Variants in NECTIN3 observed in about 807,000 individuals in gnomAD.
The protein encoded by NECTIN3 is nectin cell adhesion molecule 3, also known as nectin-3.
NECTIN3 carries 8 observed loss-of-function variants against 49.4 expected under a neutral mutation model. The observed-to-expected ratio is 0.16, with a 90% confidence interval of 0.10 to 0.29. The LOEUF is 0.29. Ranked by LOEUF, NECTIN3 falls within the 10% of genes least tolerant of loss-of-function variation. The probability of loss-of-function intolerance (pLI) is 1.00; values close to 1 mark genes in which losing one functional copy is unlikely to be tolerated. For missense variants in NECTIN3, 581 were observed against 654.6 expected (o/e 0.89, Z 1.23); for synonymous variants, 277 against 241.1 (o/e 1.15, Z -1.38).
intron 7 of NECTIN3, among the ~76,000 whole-genome samples, chr3:111,179,752 A>C (rs1400818293): frequency 6.6e-6 from 1 of 151,824 alleles, no homozygotes; most frequent in Non-Finnish European, 1.5e-5. Context: ...AAATTAGCTG[A>C]GTGTGGCGGC....
At chr3:111,104,567 G>C (rs577934576) in intron 1 of NECTIN3, among the ~76,000 whole-genome samples, 1 of 152,082 alleles carries the variant, frequency 6.6e-6, no homozygotes, top group South Asian at 2.1e-4. Context: ...CGGTCCTCCT[G>C]CTATAGCTTC....
At chr3:111,180,520 C>G (rs1278675632) in intron 7 of NECTIN3, among the ~76,000 whole-genome samples, 1 of 152,046 alleles carries the variant, frequency 6.6e-6, no homozygotes, top group Non-Finnish European at 1.5e-5. Flanking sequence ...CGACCTCTCT[C>G]ATAACTATTT....
At chr3:111,173,720 G>T (rs111737452) in intron 7 of NECTIN3, among the ~76,000 whole-genome samples, 10 of 152,006 alleles carry the variant, frequency 6.6e-5, no homozygotes, top group Non-Finnish European at 1.2e-4. Flanking sequence ...TATCCACACG[G>T]CTATCCTTTC....
chr3:111,091,403 C>T (rs2032260785), intron 1 of NECTIN3, among the ~76,000 whole-genome samples: 1 of 152,080 alleles, frequency 6.6e-6, no homozygotes, highest in African/African-American at 2.4e-5. Context: ...TACAGGCGCC[C>T]ACTATGCCCG....
intron 1 of NECTIN3, among the ~76,000 whole-genome samples, chr3:111,089,226 T>C (rs1395998970): frequency 6.6e-6 from 1 of 152,104 alleles, no homozygotes; most frequent in Non-Finnish European, 1.5e-5. Context: ...AATTTTATTA[T>C]ACTTTTCAAA....
rs1195275914 is a variant in NECTIN3, at chr3:111,136,326, C to T, written c.*2111C>T. On this transcript the variant is annotated 3_prime_UTR_variant, in exon 6 of 6. Coordinates refer to ENST00000485303, the MANE Select transcript of NECTIN3 (RefSeq NM_015480.3). Reference sequence around the variant, plus strand: ...AATACTGATTATGAACTTCCTTTTACATTGTGGTTATTTGTGCGATTAGGT... The same window carrying T: ...AATACTGATTATGAACTTCCTTTTATATTGTGGTTATTTGTGCGATTAGGT... The T allele has an allele frequency of 1.0e-6, 1 of 983,860 alleles. No individual in the cohort carries two copies. Among genetic ancestry groups the T allele is most frequent in the East Asian group, 1.1e-4 (1 of 8,822 alleles). The allele number at this position is 983,860 out of a possible 1,614,324, so 60.9% of individuals were successfully genotyped here. A position where few individuals can be genotyped will look rare whatever the true frequency, so the allele number is the denominator to read the frequency against.
intron 7 of NECTIN3, among the ~76,000 whole-genome samples, chr3:111,175,503 A>T (rs1398448633): frequency 6.6e-6 from 1 of 152,032 alleles, no homozygotes; most frequent in Non-Finnish European, 1.5e-5. Flanking sequence ...GACAAGCCAC[A>T]TGAAACAAGA....
chr3:111,168,335 T>A (rs985127730), intron 7 of NECTIN3, among the ~76,000 whole-genome samples: 6 of 152,112 alleles, frequency 3.9e-5, no homozygotes, highest in Admixed American at 2.6e-4. Context: ...GATATTCCCA[T>A]GAAGAGCAAA....
rs188834420 is a variant in NECTIN3, at chr3:111,169,301, A to G, written c.1221+21817A>G. On this transcript the variant is annotated intron_variant, in intron 7 of 8. Transcript: ENST00000493615. ...GAGACGGGGTTTCACCATGTTAGCC[A>G]GGATGGTCTCGATCTCCTGACCTCG... is the stretch of plus-strand genomic sequence containing the variant. Among the ~76,000 whole-genome samples, 135 of 150,428 alleles carry G rather than the reference A, an allele frequency of 9.0e-4. 2 individuals carry two copies. In the East Asian group the frequency reaches 0.025, roughly 27 times the overall value.
chr3:111,116,805 C>T (rs2033706288), intron 2 of NECTIN3, among the ~76,000 whole-genome samples: 1 of 152,030 alleles, frequency 6.6e-6, no homozygotes, highest in South Asian at 2.1e-4. Context: ...TATACCATTA[C>T]ATACCTATCA....
chr3:111,175,732 C>T (rs2035515746), intron 7 of NECTIN3, among the ~76,000 whole-genome samples: 2 of 152,028 alleles, frequency 1.3e-5, no homozygotes, highest in South Asian at 2.1e-4. Context: ...TTCCTGGGAC[C>T]GAGGGAAGAG....
chr3:111,142,025 C>T (rs1288046198), downstream of NECTIN3, among the ~76,000 whole-genome samples: 1 of 151,726 alleles, frequency 6.6e-6, no homozygotes, highest in African/African-American at 2.4e-5. Flanking sequence ...CAATTTTCAT[C>T]AAAATACTTG....
rs1336466900 is a variant in NECTIN3 at position 111,133,823 on chromosome 3, A to T, written c.1258A>T (p.Ser420Cys). 1 of 1,614,000 alleles carries T rather than the reference A, an allele frequency of 6.2e-7. No homozygotes were observed. The highest frequency in any genetic ancestry group is 1.7e-5 in the Admixed American group (1 of 60,000). ...TGGGGCTCTCTTCATAGTACTTGTA[A>T]GTGTTTTGGCTGGAATATTCTGCTA... Reference protein sequence around the residue: ...VGGALFIVLVSVLAGIFCYRR... With the variant: ...VGGALFIVLVCVLAGIFCYRR... The change falls in exon 6 of 6, where the codon AGT becomes TGT. Residue 420 changes from serine (S) to cysteine (C), a missense_variant. Around this residue, in one of 3 missense-constraint regions of NECTIN3, gnomAD observed 238 missense variants for 244.9 expected, o/e 0.97. Coordinates refer to ENST00000485303, the MANE Select transcript of NECTIN3 (RefSeq NM_015480.3).
At chr3:111,160,339 A>G (rs1242097933) in intron 7 of NECTIN3, among the ~76,000 whole-genome samples, 1 of 152,098 alleles carries the variant, frequency 6.6e-6, no homozygotes, top group Non-Finnish European at 1.5e-5. Flanking sequence ...CCTTAAATTT[A>G]ACCTTTCTTT....
chr3:111,077,344 T>TAAAAA (rs10667346), intron 1 of NECTIN3: 23 of 80,290 alleles, frequency 2.9e-4, no homozygotes, highest in South Asian at 8.4e-4. Context: ...ACTTTAATGG[T>TAAAAA]AAAAAAAAAA....
In NECTIN3 at chr3:111,137,039, G is replaced by A. The variant is rs2034603678; in HGVS notation, c.*2824G>A. On this transcript the variant is annotated 3_prime_UTR_variant, in exon 6 of 6. Coordinates refer to ENST00000485303, the MANE Select transcript of NECTIN3 (RefSeq NM_015480.3). ...GCTTCTAATAGCCATATACAGGAAA[G>A]TTTTATAAGATAACCCACGGCTAAA... 1.2e-5 allele frequency: 12 copies of A among 980,986 alleles called. No individual in the cohort carries two copies. Among genetic ancestry groups the A allele is most frequent in the Non-Finnish European group, 1.5e-5 (12 of 826,110 alleles). 60.8% of individuals were successfully genotyped at this position (980,986 alleles called of 1,614,324 possible).
intron 2 of NECTIN3, among the ~76,000 whole-genome samples, chr3:111,114,559 T>TA (rs1371403716): frequency 6.6e-6 from 1 of 152,166 alleles, no homozygotes; most frequent in Non-Finnish European, 1.5e-5. Flanking sequence ...CATACAGTGT[T>TA]ATTTGAGTAG....
intron 7 of NECTIN3, among the ~76,000 whole-genome samples, chr3:111,187,185 A>G (rs1232173871): frequency 6.6e-6 from 1 of 152,130 alleles, no homozygotes; most frequent in Admixed American, 6.5e-5. Flanking sequence ...ATCATTTGAC[A>G]CCAGGAATTT....
chr3:111,162,277 C>CA (rs1357826087), intron 7 of NECTIN3, among the ~76,000 whole-genome samples: 2 of 152,116 alleles, frequency 1.3e-5, no homozygotes, highest in Non-Finnish European at 2.9e-5. Flanking sequence ...GCAGTGTCCC[C>CA]ACCCAAATCT....
Sources: allele counts gnomAD v4.1 joint callset (sites outside exome capture counted in the v4.1 genomes callset), GRCh38; gene constraint gnomAD v4.1.1; regional missense constraint gnomAD v4.1.1; transcripts MANE v1.5; gene names NCBI Gene and HGNC (gene_info 2026-07-23, HGNC 2026-07-21).